CFAP74: variants seen among roughly 807,000 people sequenced by gnomAD.
CFAP74 encodes the protein cilia- and flagella-associated protein 74.
Under a neutral mutation model 188.9 loss-of-function variants are expected in CFAP74, and 124 were observed. The ratio of observed to expected loss-of-function variants is 0.66; its 90% confidence interval spans 0.57 to 0.76. CFAP74 has a LOEUF of 0.76. Among genes scored for constraint, CFAP74 ranks in the 30% least tolerant of loss-of-function variants. The pLI is 0.00. For synonymous variants in CFAP74, 956 were observed against 916.7 expected (o/e 1.04, Z -0.77); for missense variants, 2,198 against 2,165.2 (o/e 1.02, Z -0.30).
At chr1:1,937,324 G>A (rs757321197) in intron 25 of CFAP74, among the ~76,000 whole-genome samples, 1 of 152,246 alleles carries the variant, frequency 6.6e-6, no homozygotes, top group East Asian at 1.9e-4. Context: ...ACAGAACAGA[G>A]GAACATGTGA....
chr1:1,928,981 C>T lies in CFAP74; in HGVS notation c.3289-99G>A, dbSNP rs1024348378. ...CCGTCCTCTGCCCGTGGACTCCCCT[C>T]AAGGTCACCTCCCCCTTGAGATTTC... On this transcript the variant is annotated intron_variant, in intron 26 of 38. Transcript: ENST00000682832. 9.7e-6 allele frequency: 7 copies of T among 719,208 alleles called. No individual in the cohort carries two copies. The Admixed American group carries it at 1.0e-4, about 10-fold the overall frequency. The allele number at this position is 719,208 out of a possible 1,614,324, so 44.6% of individuals were successfully genotyped here. A position where few individuals can be genotyped will look rare whatever the true frequency, so the allele number is the denominator to read the frequency against.
intron 28 of CFAP74, chr1:1,927,301 G>T: frequency 1.7e-6 from 1 of 577,756 alleles, no homozygotes; most frequent in Non-Finnish European, 3.1e-6. Flanking sequence ...TCCTTCCCGG[G>T]GCCACAGGCA....
chr1:1,991,339 G>A (rs1189144196), intron 1 of CFAP74, among the ~76,000 whole-genome samples: 1 of 152,234 alleles, frequency 6.6e-6, no homozygotes, highest in Non-Finnish European at 1.5e-5. Context: ...ACTCCAGCCT[G>A]GGCAACAGAG....
At chr1:1,927,987 G>C (rs114011209) in intron 27 of CFAP74, 147 of 533,816 alleles carry the variant, frequency 2.8e-4, no homozygotes, top group Middle Eastern at 2.1e-3. Flanking sequence ...ACCGAGGCAC[G>C]GAGTGAGGAG....
intron 34 of CFAP74, 102 bp from the exon 35 acceptor site, chr1:1,924,031 C>A: frequency 8.0e-7 from 1 of 1,243,838 alleles, no homozygotes; most frequent in Non-Finnish European, 1.1e-6. Context: ...CGCCCCCCTG[C>A]AGAGCCCCTG....
intron 6 of CFAP74, among the ~76,000 whole-genome samples, chr1:1,981,553 C>T (rs1656855146): frequency 9.0e-6 from 1 of 111,470 alleles, no homozygotes; most frequent in Non-Finnish European, 1.7e-5. Context: ...CGGACAGACA[C>T]GGGGGGCACA....
chr1:1,976,570 T>A (rs1656458805), intron 6 of CFAP74, among the ~76,000 whole-genome samples: 1 of 152,034 alleles, frequency 6.6e-6, no homozygotes, highest in Non-Finnish European at 1.5e-5. Flanking sequence ...TTAAAATGAG[T>A]CTTGCTCTCT....
In CFAP74 at chr1:1,971,001, C is replaced by G. The variant is rs535169883; in HGVS notation, c.889-185G>C. On this transcript the variant is annotated intron_variant, in intron 9 of 38. Coordinates refer to ENST00000682832, the MANE Select transcript of CFAP74 (RefSeq NM_001304360.2). ...CTGCACACACGTGCACACACACACG[C>G]ACACCTGCACATGCACACATCACAC... Among the ~76,000 whole-genome samples, 1,471 of 150,874 alleles carry G rather than the reference C, an allele frequency of 9.7e-3. 24 individuals carry two copies. Among genetic ancestry groups the G allele is most frequent in the Middle Eastern group, 0.035 (10 of 288 alleles).
rs1262709864 is a variant in CFAP74 at position 1,923,966 on chromosome 1, C to T, written c.4235-37G>A. The T allele has an allele frequency of 6.3e-7, 1 of 1,580,004 alleles. No individual in the cohort carries two copies. Among genetic ancestry groups the T allele is most frequent in the Non-Finnish European group, 8.6e-7 (1 of 1,162,598 alleles). On this transcript the variant is annotated intron_variant, in intron 34 of 38. Transcript: ENST00000682832. The surrounding 1 kb of genome is among the most constrained non-coding windows in gnomAD (Gnocchi z 6.3). The stretch of plus-strand genomic sequence containing the variant: ...GTGGGGTGCAGTTTGGCCTTCTCCA[C>T]CTGCAATCACTGTCTGCCCTCCAAG...
intron 6 of CFAP74, among the ~76,000 whole-genome samples, chr1:1,982,651 T>C (rs1023299483): frequency 5.9e-5 from 9 of 152,202 alleles, no homozygotes; most frequent in African/African-American, 2.4e-5. Context: ...TAAAGCTGAC[T>C]TAAAGGAAAG....
At chr1:1,998,640 C>T (rs1164586305) in intron 1 of CFAP74, among the ~76,000 whole-genome samples, 2 of 151,996 alleles carry the variant, frequency 1.3e-5, no homozygotes, top group African/African-American at 2.4e-5. Context: ...TTTGGGAGGC[C>T]GAGGTGGGCA....
chr1:1,993,369 C>G (rs576794998), intron 1 of CFAP74, among the ~76,000 whole-genome samples: 2 of 151,738 alleles, frequency 1.3e-5, no homozygotes, highest in Non-Finnish European at 2.9e-5. Context: ...ACTGCAGCCT[C>G]CAACTCCTGG....
chr1:1,946,443 C>T lies in CFAP74; in HGVS notation c.2242-4G>A. 6.5e-7 allele frequency: 1 copy of T among 1,532,532 alleles called. No homozygotes were observed. Among genetic ancestry groups the T allele is most frequent in the South Asian group, 1.2e-5 (1 of 83,744 alleles). The allele number at this position is 1,532,532 out of a possible 1,614,324, so 94.9% of individuals were successfully genotyped here. On this transcript the variant is annotated splice_polypyrimidine_tract_variant and splice_region_variant and intron_variant, in intron 19 of 38. Coordinates refer to ENST00000682832, the MANE Select transcript of CFAP74 (RefSeq NM_001304360.2). ...GGCCAATTTCCCCTTCTGTTACCTG[C>T]ACAGGAAGAGATGCCATGGGGTCTG...
Position 1,963,886 on chromosome 1 carries a change from G to T in CFAP74, c.1576-19C>A. The T allele has an allele frequency of 1.3e-6, 2 of 1,541,956 alleles. No individual in the cohort carries two copies. The highest frequency in any genetic ancestry group is 1.1e-5 in the South Asian group (1 of 89,580). On this transcript the variant is annotated intron_variant, in intron 13 of 38. Coordinates refer to ENST00000682832, the MANE Select transcript of CFAP74 (RefSeq NM_001304360.2). Reference sequence around the variant, plus strand: ...CAAAGTCCTGGGAAAGGCCGAGGTAGCAGCTTCAGAGCGGGTCACAGGGGG... The same window carrying T: ...CAAAGTCCTGGGAAAGGCCGAGGTATCAGCTTCAGAGCGGGTCACAGGGGG...
Position 1,964,870 on chromosome 1 carries a change from G to C in CFAP74, c.1575+18C>G. 6.2e-7 allele frequency: 1 copy of C among 1,613,176 alleles called. No individual in the cohort carries two copies. Among genetic ancestry groups the C allele is most frequent in the Non-Finnish European group, 8.5e-7 (1 of 1,179,788 alleles). ...TGTGCTGCTGCCCGTCCCGTTCCTG[G>C]CCCAGCTGCGGGCTCACCTGGAAGT... On this transcript the variant is annotated intron_variant, in intron 13 of 38. Coordinates refer to ENST00000682832, the MANE Select transcript of CFAP74 (RefSeq NM_001304360.2).
At chr1:1,961,731 A>T (rs1371118736) in intron 14 of CFAP74, among the ~76,000 whole-genome samples, 2 of 152,198 alleles carry the variant, frequency 1.3e-5, no homozygotes, top group African/African-American at 4.8e-5. Flanking sequence ...AACCTCCAGC[A>T]TGCATTCTCC....
intron 21 of CFAP74, among the ~76,000 whole-genome samples, chr1:1,943,031 C>T: frequency 6.6e-6 from 1 of 152,240 alleles, no homozygotes; most frequent in East Asian, 1.9e-4. Context: ...CTGCTGGGCC[C>T]CATGGGAGGC....
chr1:1,927,418 C>A, intron 28 of CFAP74, 189 bp downstream of exon 28: 1 of 627,976 alleles, frequency 1.6e-6, no homozygotes, highest in South Asian at 2.0e-5. Flanking sequence ...GGTGTCAGGC[C>A]TGGGGAAATG....
In CFAP74 at chr1:2,001,334, GT is replaced by G. The variant is rs1187028525; in HGVS notation, c.-20+2366del. ...TTTGTTTTGTTTTGTTTTTCATTTT[GT>G]TTTTTTTTTTTTGAGACGGAGTCTC... is the stretch of plus-strand genomic sequence containing the variant. On this transcript the variant is annotated intron_variant, in intron 1 of 38. Transcript: ENST00000682832. Among the ~76,000 whole-genome samples, 454 of 143,538 alleles carry G rather than the reference GT, an allele frequency of 3.2e-3. 1 individual carries two copies. Among genetic ancestry groups the G allele is most frequent in the African/African-American group, 9.6e-3 (378 of 39,432 alleles). 94.2% of individuals were successfully genotyped at this position (143,538 alleles called of 152,430 possible).
Sources: gnomAD v4.1 joint callset for allele counts (sites outside exome capture counted in the v4.1 genomes callset) on GRCh38, gnomAD v4.1.1 for gene constraint, Gnocchi (gnomAD v3.1) non-coding constraint, MANE v1.5 for transcripts, NCBI Gene and HGNC (gene_info 2026-07-23, HGNC 2026-07-21) for gene names.